The following UTP15 variants were observed in gnomAD, a reference collection of about 807,000 sequenced individuals.
The protein encoded by UTP15 is UTP15 small subunit processome component.
UTP15 carries 5 observed loss-of-function variants against 59.1 expected under a neutral mutation model. The observed-to-expected ratio is 0.08, with a 90% confidence interval of 0.04 to 0.18. The LOEUF (loss-of-function observed/expected upper bound fraction) is 0.18, where lower values mean the gene tolerates loss of function less well. UTP15 is among the 10% of genes least tolerant of loss of function. The pLI is 1.00. For synonymous variants in UTP15, 211 were observed against 212.2 expected (o/e 0.99, Z 0.05); for missense variants, 494 against 616.7 (o/e 0.80, Z 2.11).
intron 6 of UTP15, 35 bp downstream of exon 6, chr5:73,570,746 G>C: frequency 6.2e-7 from 1 of 1,603,736 alleles, no homozygotes; most frequent in Non-Finnish European, 8.5e-7. Flanking sequence ...CAATATTGTT[G>C]GTTTTGAATC....
rs1234022103 is a variant in UTP15 at position 73,581,495 on chromosome 5, G to A, written c.*1401G>A. On this transcript the variant is annotated 3_prime_UTR_variant, in exon 13 of 13. Transcript: ENST00000296792. ...TCTCCTGCTTTTCTCTAATTATTAC[G>A]CCAACTCAAGTAGTTAAAAATCAGT... 3.3e-5 allele frequency: 5 copies of A among 151,878 alleles called. No individual in the cohort carries two copies. Among genetic ancestry groups the A allele is most frequent in the Admixed American group, 6.6e-5 (1 of 15,242 alleles). 9.4% of individuals were successfully genotyped at this position (151,878 alleles called of 1,614,324 possible).
At chr5:73,572,346 A>G in intron 6 of UTP15, 143 bp from the exon 7 acceptor site, 1 of 974,770 alleles carries the variant, frequency 1.0e-6, no homozygotes, top group Non-Finnish European at 1.5e-6. Flanking sequence ...TGGTGCATCC[A>G]GGATTTTACC....
At position 73,580,989 on chromosome 5, in the gene UTP15, C is replaced by T. The variant is rs183795492; in HGVS notation, c.*895C>T. 9 of 152,036 alleles carry T rather than the reference C, an allele frequency of 5.9e-5. No homozygotes were observed. The highest frequency in any genetic ancestry group is 1.0e-4 in the Non-Finnish European group (7 of 67,994). The allele number at this position is 152,036 out of a possible 1,614,324, so 9.4% of individuals were successfully genotyped here. A position where few individuals can be genotyped will look rare whatever the true frequency, so the allele number is the denominator to read the frequency against. On this transcript the variant is annotated 3_prime_UTR_variant, in exon 13 of 13. Transcript: ENST00000296792. The stretch of plus-strand genomic sequence containing the variant: ...CATATTGTATTTCGGAACCCCAATG[C>T]AGAGCAGTTTGCTTTGAAAAATAGT...
chr5:73,569,640 G>C lies in UTP15; in HGVS notation c.512G>C (p.Cys171Ser), dbSNP rs767878074. 6.2e-7 allele frequency: 1 copy of C among 1,612,560 alleles called. No individual in the cohort carries two copies. The highest frequency in any genetic ancestry group is 1.7e-5 in the Admixed American group (1 of 59,772). ...CACTCTGATTATGTGAGGTGTGGAT[G>C]TGCTAGCAAACTTAATCCGGATCTC... Reference protein sequence around the residue: ...KEHSDYVRCGCASKLNPDLFI... With the variant: ...KEHSDYVRCGSASKLNPDLFI... The change falls in exon 5 of 13, where the codon TGT (cysteine) becomes TCT (serine). Residue 171 changes from cysteine to serine, a missense_variant. Coordinates refer to ENST00000296792, the MANE Select transcript of UTP15 (RefSeq NM_032175.4).
At position 73,580,195 on chromosome 5, in the gene UTP15, T is replaced by G. The variant is rs1293575805; in HGVS notation, c.*101T>G. 1 of 1,030,542 alleles carries G rather than the reference T, an allele frequency of 9.7e-7. No homozygotes were observed. The highest frequency in any genetic ancestry group is 1.4e-6 in the Non-Finnish European group (1 of 722,016). 63.8% of individuals were successfully genotyped at this position (1,030,542 alleles called of 1,614,324 possible). A position where few individuals can be genotyped will look rare whatever the true frequency, so the allele number is the denominator to read the frequency against. On this transcript the variant is annotated 3_prime_UTR_variant, in exon 13 of 13. Transcript: ENST00000296792. ...TCTTTGATACATTAAAAAAACTGTT[T>G]GCAGAAGCAGTTCTGTGGAAGAGAC...
Position 73,573,436 on chromosome 5 carries a change from C to T in UTP15, c.809+812C>T, listed in dbSNP as rs372871778. Among the ~76,000 whole-genome samples, 30 of 151,646 alleles carry T rather than the reference C, an allele frequency of 2.0e-4. No individual in the cohort carries two copies. The South Asian group carries it at 6.1e-3, about 31-fold the overall frequency. Reference sequence around the variant, plus strand: ...CTAATTTTTGTATTTTTAGTAGAGACGGGGTTTCGCCATATTGCCCAGACT... The same window carrying T: ...CTAATTTTTGTATTTTTAGTAGAGATGGGGTTTCGCCATATTGCCCAGACT... On this transcript the variant is annotated intron_variant, in intron 7 of 12. Coordinates refer to ENST00000296792, the MANE Select transcript of UTP15 (RefSeq NM_032175.4).
chr5:73,568,703 A>C, intron 4 of UTP15, 99 bp downstream of exon 4: 1 of 1,167,972 alleles, frequency 8.6e-7, no homozygotes, highest in South Asian at 1.7e-5. Flanking sequence ...AGTTTTATGG[A>C]GATTATTTGC....
chr5:73,571,756 C>A (rs1747938247), intron 6 of UTP15, among the ~76,000 whole-genome samples: 2 of 151,826 alleles, frequency 1.3e-5, no homozygotes, highest in African/African-American at 4.8e-5. Context: ...GGCAACATAG[C>A]AAGACTCTAA....
Position 73,578,769 on chromosome 5 carries a change from A to G in UTP15, c.1063A>G (p.Arg355Gly), listed in dbSNP as rs1748204916. 2 of 1,613,742 alleles carry G rather than the reference A, an allele frequency of 1.2e-6. No homozygotes were observed. The highest frequency in any genetic ancestry group is 2.7e-5 in the African/African-American group (2 of 74,926). The stretch of plus-strand genomic sequence containing the variant: ...ATTGCAGGATGACATTTTGATTAAC[A>G]GGCCAGCAAAGAAGCACCTAGAATT... ...MKQRDDILIN[R>G]PAKKHLELYD... Residue 355 changes from arginine to glycine, a missense_variant, in exon 10 of 13, where the codon AGG (arginine) becomes GGG (glycine). Transcript: ENST00000296792.
chr5:73,578,904 C>T (rs1748210327), intron 10 of UTP15, 52 bp downstream of exon 10: 4 of 1,598,576 alleles, frequency 2.5e-6, no homozygotes, highest in Non-Finnish European at 3.4e-6. Flanking sequence ...TGCATATTAC[C>T]ATGACTTGGA....
intron 7 of UTP15, among the ~76,000 whole-genome samples, chr5:73,573,351 G>A (rs1398966446): frequency 1.3e-5 from 2 of 150,922 alleles, no homozygotes; most frequent in Non-Finnish European, 2.9e-5. Flanking sequence ...AGGTTCAAGC[G>A]ATTCTCGTGA....
rs1196424272 is a variant in UTP15 at position 73,579,391 on chromosome 5, A to C, written c.1339+16A>C. On this transcript the variant is annotated intron_variant, in intron 12 of 12. Transcript: ENST00000296792. Reference sequence around the variant, plus strand: ...ATAATTATTGGTAAGTCATTGTTAAAACTTGAAAATCCTAACATGCTTGCA... The same window carrying C: ...ATAATTATTGGTAAGTCATTGTTAACACTTGAAAATCCTAACATGCTTGCA... 1 of 1,585,968 alleles carries C rather than the reference A, an allele frequency of 6.3e-7. No homozygotes were observed. Among genetic ancestry groups the C allele is most frequent in the African/African-American group, 1.4e-5 (1 of 73,860 alleles).
intron 2 of UTP15, 32 bp from the exon 3 acceptor site, chr5:73,568,203 A>T (rs1561275174): frequency 1.3e-6 from 2 of 1,519,570 alleles, no homozygotes; most frequent in Non-Finnish European, 1.8e-6. Flanking sequence ...ACCAGTGGTA[A>T]CTCTGTTAAC....
intron 2 of UTP15, chr5:73,567,737 G>T: frequency 4.9e-6 from 1 of 205,434 alleles, no homozygotes; most frequent in Non-Finnish European, 9.6e-6. Flanking sequence ...AGTATTGCTT[G>T]TAATAGTAGA....
chr5:73,568,587 G>A lies in UTP15; in HGVS notation c.351G>A (p.Gln117=). The part of the protein sequence containing the change: ...FDISGRAPLR[Q]FEGHTKAVHT... ...TAAGTGGGAGGGCTCCCCTCAGGCA[G>A]TTTGAAGGCCATACAAAGTAAGAGA... The change falls in exon 4 of 13, where the codon CAG becomes CAA. Residue 117 remains glutamine, a synonymous_variant. Transcript: ENST00000296792. The A allele has an allele frequency of 1.9e-6, 3 of 1,612,134 alleles. No individual in the cohort carries two copies. In the South Asian group the frequency reaches 3.3e-5, roughly 18 times the overall value.
At chr5:73,570,315 A>G (rs1428513217) in intron 5 of UTP15, among the ~76,000 whole-genome samples, 1 of 152,214 alleles carries the variant, frequency 6.6e-6, no homozygotes, top group African/African-American at 2.4e-5. Flanking sequence ...TGCCTTTACA[A>G]AGATTTCCAG....
intron 7 of UTP15, among the ~76,000 whole-genome samples, chr5:73,576,268 C>A (rs1457973294): frequency 2.0e-5 from 3 of 150,884 alleles, no homozygotes; most frequent in African/African-American, 7.3e-5. Flanking sequence ...CCACACCTGG[C>A]TAGTTTTTAT....
At position 73,582,060 on chromosome 5, in the gene UTP15, A is replaced by G. The variant is rs772696293; in HGVS notation, c.*1966A>G. Reference sequence around the variant, plus strand: ...CTACCTAAAGCTGTAGTTGCCGTCAATTGTGTAACATGTGACAAAGGTTTT... The same window carrying G: ...CTACCTAAAGCTGTAGTTGCCGTCAGTTGTGTAACATGTGACAAAGGTTTT... On this transcript the variant is annotated 3_prime_UTR_variant, in exon 13 of 13. Transcript: ENST00000296792. The G allele has an allele frequency of 6.6e-6, 1 of 152,250 alleles. No homozygotes were observed. The highest frequency in any genetic ancestry group is 2.1e-4 in the South Asian group (1 of 4,830). 9.4% of individuals were successfully genotyped at this position (152,250 alleles called of 1,614,324 possible). A position where few individuals can be genotyped will look rare whatever the true frequency, so the allele number is the denominator to read the frequency against.
At chr5:73,573,129 T>TTTGTTTTAAC (rs1406976570) in intron 7 of UTP15, among the ~76,000 whole-genome samples, 2 of 152,144 alleles carry the variant, frequency 1.3e-5, no homozygotes, top group East Asian at 3.9e-4. Context: ...TTTGACACAA[T>TTTGTTTTAAC]TTGTTTTAAC....
Sources: gnomAD v4.1 joint callset for allele counts (sites outside exome capture counted in the v4.1 genomes callset) on GRCh38, gnomAD v4.1.1 for gene constraint, MANE v1.5 for transcripts, NCBI Gene and HGNC (gene_info 2026-07-23, HGNC 2026-07-21) for gene names.